The following NRG1 variants were observed in gnomAD, a reference collection of about 807,000 sequenced individuals.
The protein encoded by NRG1 is neuregulin 1.
In NRG1, 18 loss-of-function variants were observed where a neutral mutation model predicts 63.8. That is an observed-to-expected ratio of 0.28 (90% confidence interval 0.19 to 0.42). The LOEUF (loss-of-function observed/expected upper bound fraction) is 0.42. Ranked by LOEUF, NRG1 falls within the 10% of genes least tolerant of loss-of-function variation. The probability of loss-of-function intolerance (pLI) is 1.00; values close to 1 mark genes in which losing one functional copy is unlikely to be tolerated. For missense variants in NRG1, 762 were observed against 814.7 expected (o/e 0.94, Z 0.79); for synonymous variants, 302 against 301.3 (o/e 1.00, Z -0.02).
chr8:32,454,242 G>T (rs925846837), intron 1 of NRG1, among the ~76,000 whole-genome samples: 1 of 151,992 alleles, frequency 6.6e-6, no homozygotes, highest in Non-Finnish European at 1.5e-5. Context: ...TTATGTGACG[G>T]GTAGTATTTT....
intron 1 of NRG1, among the ~76,000 whole-genome samples, chr8:32,347,472 G>C (rs1337878010): frequency 6.6e-6 from 1 of 152,146 alleles, no homozygotes; most frequent in Non-Finnish European, 1.5e-5. Context: ...CAACTCACCT[G>C]CACCTCACAC....
chr8:32,614,363 CACTCTCTGTATGGTTA>C, intron 3 of NRG1, 135 bp from the exon 4 acceptor site: 1 of 572,032 alleles, frequency 1.7e-6, no homozygotes, highest in Non-Finnish European at 3.1e-6. Flanking sequence ...CTGCATTTCT[CACTCTCTGTATGGTTA>C]AAGCCTGGAC....
At chr8:31,936,354 G>A (rs554295081) in intron 1 of NRG1, among the ~76,000 whole-genome samples, 4 of 152,242 alleles carry the variant, frequency 2.6e-5, no homozygotes, top group South Asian at 2.1e-4. Context: ...TTCGCAGTTA[G>A]GGGGTTTCTT....
chr8:32,624,111 A>T (rs2129542945), intron 5 of NRG1, among the ~76,000 whole-genome samples: 1 of 152,322 alleles, frequency 6.6e-6, no homozygotes, highest in Admixed American at 6.5e-5. Context: ...GAGGGACTTG[A>T]CGTTCAGAAA....
At chr8:32,412,431 T>C (rs1410685270) in intron 1 of NRG1, among the ~76,000 whole-genome samples, 484 of 43,884 alleles carry the variant, frequency 0.011, 7 homozygotes, top group African/African-American at 0.029. Flanking sequence ...TACATATATA[T>C]ATATATATAT....
chr8:32,053,800 T>C (rs576919840), intron 1 of NRG1, among the ~76,000 whole-genome samples: 1 of 152,298 alleles, frequency 6.6e-6, no homozygotes, highest in African/African-American at 2.4e-5. Context: ...GGAATTTTTT[T>C]CCCCACATTG....
intron 1 of NRG1, among the ~76,000 whole-genome samples, chr8:32,016,361 C>CCTCTGTAA (rs1471729795): frequency 3.9e-5 from 6 of 151,986 alleles, no homozygotes; most frequent in Admixed American, 1.3e-4. Context: ...CTGTGACTGG[C>CCTCTGTAA]CTCTGTAACT....
intron 5 of NRG1, among the ~76,000 whole-genome samples, chr8:32,702,934 G>C (rs1379631911): frequency 6.6e-6 from 1 of 152,028 alleles, no homozygotes; most frequent in African/African-American, 2.4e-5. Context: ...CTAATGGCTG[G>C]GTTTTCAACA....
intron 1 of NRG1, among the ~76,000 whole-genome samples, chr8:32,555,535 C>G (rs972431929): frequency 7.9e-5 from 12 of 152,186 alleles, no homozygotes; most frequent in Admixed American, 2.6e-4. Context: ...GCAGTGGTGC[C>G]ATCTCGACTC....
intron 1 of NRG1, among the ~76,000 whole-genome samples, chr8:31,897,325 G>T (rs1006963414): frequency 5.9e-5 from 9 of 151,696 alleles, no homozygotes; most frequent in African/African-American, 2.2e-4. Flanking sequence ...GACTGACAAG[G>T]CAGACTGTTT....
intron 1 of NRG1, among the ~76,000 whole-genome samples, chr8:31,655,657 C>A (rs1392154466): frequency 6.6e-6 from 1 of 152,160 alleles, no homozygotes; most frequent in African/African-American, 2.4e-5. Context: ...GAGTTATATG[C>A]TTGTCATTTC....
chr8:32,280,680 GTTTTTTTTTTGTTTTTTTTTT>G (rs1852622496), intron 1 of NRG1, among the ~76,000 whole-genome samples: 1 of 53,722 alleles, frequency 1.9e-5, no homozygotes, highest in Non-Finnish European at 3.5e-5. Flanking sequence ...ACTGAATTAG[GTTTTTTTTTTGTTTTTTTTTT>G]TTTTTTTTTT....
At position 32,644,425 on chromosome 8, in the gene NRG1, GAGGATTTGATGA is replaced by G. The variant is rs546247044; in HGVS notation, c.502+27544_502+27555del. ...CCTTTCTTACTCTTTTATTGCTATA[GAGGATTTGATGA>G]AGGCAGAAAGGCAACTTCTGGGTCC... On this transcript the variant is annotated intron_variant, in intron 5 of 11. Coordinates refer to ENST00000356819, the Ensembl canonical transcript of NRG1. Among the ~76,000 whole-genome samples, 1,095 of 152,238 alleles carry G rather than the reference GAGGATTTGATGA, an allele frequency of 7.2e-3. 7 individuals carry two copies. Among genetic ancestry groups the G allele is most frequent in the Non-Finnish European group, 0.011 (758 of 68,024 alleles).
chr8:31,662,413 A>T (rs1806083138), intron 1 of NRG1, among the ~76,000 whole-genome samples: 1 of 152,244 alleles, frequency 6.6e-6, no homozygotes, highest in Admixed American at 6.5e-5. Flanking sequence ...TTATGGGCTT[A>T]GCCTATGTAG....
intron 1 of NRG1, among the ~76,000 whole-genome samples, chr8:31,854,822 C>T (rs1315341173): frequency 5.9e-5 from 9 of 151,996 alleles, no homozygotes; most frequent in South Asian, 2.1e-4. Flanking sequence ...TCTTTGTTCT[C>T]GTTGGTTTCA....
rs569216743 is a variant in NRG1, at chr8:32,218,965, T to A, written c.38-376863T>A. 2.4e-3 allele frequency among the ~76,000 whole-genome samples: 371 copies of A among 152,338 alleles called. 1 individual carries two copies. The highest frequency in any genetic ancestry group is 0.024 in the South Asian group (116 of 4,822). On this transcript the variant is annotated intron_variant, in intron 1 of 10. Transcript: ENST00000519301. Reference sequence around the variant, plus strand: ...AGAATCACAGAAGACATTTACCGAGTATGTATTTTCTGCCAAACCCTGTGC... The same window carrying A: ...AGAATCACAGAAGACATTTACCGAGAATGTATTTTCTGCCAAACCCTGTGC...
intron 1 of NRG1, among the ~76,000 whole-genome samples, chr8:31,686,553 G>C (rs1246820246): frequency 6.6e-6 from 1 of 151,944 alleles, no homozygotes; most frequent in African/African-American, 2.4e-5. Context: ...ATGTCTAACT[G>C]CATCTGACAC....
intron 1 of NRG1, among the ~76,000 whole-genome samples, chr8:32,581,418 A>G (rs1386836727): frequency 6.6e-6 from 1 of 152,234 alleles, no homozygotes; most frequent in East Asian, 1.9e-4. Flanking sequence ...CCTGTGCATT[A>G]AACTAGTAGC....
chr8:32,629,321 A>G (rs1281091701), intron 5 of NRG1, among the ~76,000 whole-genome samples: 1 of 152,130 alleles, frequency 6.6e-6, no homozygotes, highest in Non-Finnish European at 1.5e-5. Context: ...CTTCTTATCC[A>G]TAGTGATGTG....
Sources: allele counts gnomAD v4.1 joint callset (sites outside exome capture counted in the v4.1 genomes callset), GRCh38; gene constraint gnomAD v4.1.1; transcripts MANE v1.5; gene names NCBI Gene and HGNC (gene_info 2026-07-23, HGNC 2026-07-21).